The following FKBP1B variants were observed in gnomAD, a reference collection of about 807,000 sequenced individuals.
FKBP1B encodes the protein FKBP prolyl isomerase 1B.
FKBP1B carries 4 observed loss-of-function variants against 13.5 expected under a neutral mutation model. The observed-to-expected ratio is 0.30, with a 90% CI of 0.15 to 0.68. The LOEUF (loss-of-function observed/expected upper bound fraction) is 0.68. Among genes scored for constraint, FKBP1B ranks in the 30% least tolerant of loss-of-function variants. The probability of loss-of-function intolerance (pLI) is 0.76; values close to 1 mark genes in which losing one functional copy is unlikely to be tolerated. For synonymous variants in FKBP1B, 54 were observed against 53.6 expected, an observed-to-expected ratio of 1.01 and a Z score of -0.03; for missense variants, 93 against 136.2, an observed-to-expected ratio of 0.68 and a Z score of 1.58.
chr2:24,045,345 T>C (rs1663577688), upstream of FKBP1B, among the ~76,000 whole-genome samples: 1 of 152,138 alleles, frequency 6.6e-6, no homozygotes, highest in Non-Finnish European at 1.5e-5. Context: ...CTCATGCCTG[T>C]AATCCCAGCA....
At chr2:24,056,700 CT>C (rs1373462256) in intron 2 of FKBP1B, among the ~76,000 whole-genome samples, 1 of 151,582 alleles carries the variant, frequency 6.6e-6, no homozygotes, top group Middle Eastern at 3.4e-3. Flanking sequence ...TTTTCTTTTT[CT>C]TTTTTTGAGA....
At chr2:24,044,817 T>TAA (rs747340836), upstream of FKBP1B, among the ~76,000 whole-genome samples, 13 of 103,884 alleles carry the variant, frequency 1.3e-4, no homozygotes, top group South Asian at 3.0e-4. Flanking sequence ...GAATTATCTT[T>TAA]AAAAAAAAAA....
the FKBP1B span, chr2:24,039,471 T>G: frequency 6.2e-7 from 1 of 1,612,154 alleles, no homozygotes; most frequent in Non-Finnish European, 8.5e-7. Flanking sequence ...CAGTCCTGAG[T>G]AGTTTTCCTT....
intron 2 of FKBP1B, 143 bp from the exon 3 acceptor site, chr2:24,060,671 T>A (rs1448393841): frequency 3.2e-6 from 2 of 626,330 alleles, no homozygotes; most frequent in Non-Finnish European, 5.7e-6. Flanking sequence ...CCAGATTTCC[T>A]GCTTGGGCAA....
chr2:24,062,877 T>C (rs1053460882), intron 3 of FKBP1B, 187 bp from the exon 4 acceptor site: 19 of 809,488 alleles, frequency 2.3e-5, no homozygotes, highest in African/African-American at 1.7e-4. Context: ...ACATCTCTGC[T>C]GAGGCAGAAT....
chr2:24,059,668 C>T (rs892066363), intron 2 of FKBP1B, among the ~76,000 whole-genome samples: 18 of 151,644 alleles, frequency 1.2e-4, no homozygotes, highest in Non-Finnish European at 2.4e-4. Context: ...CTGAGGTGGG[C>T]AGATCACCTG....
In FKBP1B at chr2:24,063,462, G is replaced by GTTTT; in HGVS notation, c.*270_*271insTTTT. On this transcript the variant is annotated 3_prime_UTR_variant, in exon 4 of 4. Transcript: ENST00000380986. The stretch of plus-strand genomic sequence containing the variant: ...CATGTAGTAGCCTTTCCTGATGACA[G>GTTTT]AACACAGATCTCTTGTTCGCACAAT... 1 of 370,070 alleles carries GTTTT rather than the reference G, an allele frequency of 2.7e-6. No individual in the cohort carries two copies. Among genetic ancestry groups the GTTTT allele is most frequent in the Non-Finnish European group, 4.8e-6 (1 of 207,042 alleles). The allele number at this position is 370,070 out of a possible 1,614,324, so 22.9% of individuals were successfully genotyped here.
the FKBP1B span, chr2:24,039,565 A>G: frequency 3.3e-6 from 5 of 1,519,738 alleles, no homozygotes; most frequent in Non-Finnish European, 3.6e-6. Flanking sequence ...ACAAATCTAG[A>G]ATGTAGGACA....
At chr2:24,059,377 G>T (rs1219935315) in intron 2 of FKBP1B, among the ~76,000 whole-genome samples, 1 of 151,392 alleles carries the variant, frequency 6.6e-6, no homozygotes, top group Non-Finnish European at 1.5e-5. Flanking sequence ...GCACCTGGGG[G>T]GGGGTTCTGG....
At chr2:24,055,802 T>C (rs1032674450) in intron 2 of FKBP1B, among the ~76,000 whole-genome samples, 3 of 152,198 alleles carry the variant, frequency 2.0e-5, no homozygotes, top group Non-Finnish European at 4.4e-5. Context: ...TGTACATGTG[T>C]ACAGACATAT....
intron 1 of FKBP1B, among the ~76,000 whole-genome samples, chr2:24,051,345 AG>A (rs1397393454): frequency 8.5e-6 from 1 of 117,962 alleles, no homozygotes; most frequent in Non-Finnish European, 2.0e-5. Flanking sequence ...AAAAAAAAAA[AG>A]AAAAAAAATG....
chr2:24,041,283 G>A, the FKBP1B span, among the ~76,000 whole-genome samples: 5 of 150,886 alleles, frequency 3.3e-5, no homozygotes, highest in South Asian at 2.1e-4. Flanking sequence ...AGATTACAGT[G>A]AGCCAAAATT....
At chr2:24,038,576 C>A in the FKBP1B span, 17 of 1,613,898 alleles carry the variant, frequency 1.1e-5, no homozygotes, top group Non-Finnish European at 1.4e-5. Context: ...GTCAAGTAGT[C>A]CTTTTTTCTT....
At chr2:24,060,253 A>T (rs1233810475) in intron 2 of FKBP1B, among the ~76,000 whole-genome samples, 1 of 152,118 alleles carries the variant, frequency 6.6e-6, no homozygotes, top group Non-Finnish European at 1.5e-5. Flanking sequence ...GGTCGTGGTA[A>T]TAGAAACAAA....
chr2:24,052,855 T>A (rs538708100), intron 1 of FKBP1B, among the ~76,000 whole-genome samples: 1 of 151,844 alleles, frequency 6.6e-6, no homozygotes, highest in Non-Finnish European at 1.5e-5. Context: ...CTTGCAGTAC[T>A]AGCTACTCAG....
chr2:24,058,323 T>G (rs1415205628), intron 2 of FKBP1B, among the ~76,000 whole-genome samples: 6 of 152,206 alleles, frequency 3.9e-5, no homozygotes, highest in Admixed American at 1.3e-4. Context: ...ATTGATTTTT[T>G]TGTGTGTGGA....
chr2:24,049,774 G>T lies in FKBP1B; in HGVS notation c.-76G>T. The T allele has an allele frequency of 8.3e-7, 1 of 1,207,716 alleles. No individual in the cohort carries two copies. Among genetic ancestry groups the T allele is most frequent in the Non-Finnish European group, 1.1e-6 (1 of 947,872 alleles). 74.8% of individuals were successfully genotyped at this position (1,207,716 alleles called of 1,614,324 possible). ...GGCGAGGAGGCGAGCCGGAGCGACG[G>T]CGGGGCTGGGGCCGGAGCCGAGCCG... On this transcript the variant is annotated 5_prime_UTR_variant, in exon 1 of 4. Coordinates refer to ENST00000380986, the MANE Select transcript of FKBP1B (RefSeq NM_004116.5).
intron 3 of FKBP1B, among the ~76,000 whole-genome samples, chr2:24,062,330 C>A (rs1024807616): frequency 6.6e-6 from 1 of 152,012 alleles, no homozygotes; most frequent in Non-Finnish European, 1.5e-5. Context: ...GCACCATCAC[C>A]ATCACGCCTG....
At position 24,053,958 on chromosome 2, in the gene FKBP1B, C is replaced by T. The variant is rs1028783291; in HGVS notation, c.85+9C>T. 6.2e-7 allele frequency: 1 copy of T among 1,613,984 alleles called. No individual in the cohort carries two copies. Among genetic ancestry groups the T allele is most frequent in the Non-Finnish European group, 8.5e-7 (1 of 1,179,812 alleles). On this transcript the variant is annotated intron_variant, in intron 2 of 3. Coordinates refer to ENST00000380986, the MANE Select transcript of FKBP1B (RefSeq NM_004116.5). ...TGTGGTGCACTACACAGGTAAGTCT[C>T]ACCCCCTCAGCCCCCACCCAGTCCT...
Sources: allele counts gnomAD v4.1 joint callset (sites outside exome capture counted in the v4.1 genomes callset), GRCh38; gene constraint gnomAD v4.1.1; transcripts MANE v1.5; gene names NCBI Gene and HGNC (gene_info 2026-07-23, HGNC 2026-07-21).